SEC23A: variants seen among roughly 807,000 people sequenced by gnomAD.
The protein encoded by SEC23A is protein transport protein Sec23A.
SEC23A carries 56 observed loss-of-function variants against 103.7 expected under a neutral mutation model. The observed-to-expected ratio is 0.54, with a 90% confidence interval of 0.44 to 0.67. The LOEUF (loss-of-function observed/expected upper bound fraction) is 0.67, where lower values mean the gene tolerates loss of function less well. SEC23A is among the 30% of genes least tolerant of loss of function. The pLI, the probability that SEC23A is intolerant of heterozygous loss-of-function variation, is 0.00. For synonymous variants in SEC23A, 281 were observed against 293.0 expected, an observed-to-expected ratio of 0.96 and a Z score of 0.42; for missense variants, 784 against 936.4, an observed-to-expected ratio of 0.84 and a Z score of 2.12.
At chr14:39,096,490 G>A (rs570387821) in intron 1 of SEC23A, among the ~76,000 whole-genome samples, 48 of 151,018 alleles carry the variant, frequency 3.2e-4, no homozygotes, top group Middle Eastern at 3.4e-3. Context: ...AGATCATTCC[G>A]TTGCACTCCA....
intron 1 of SEC23A, among the ~76,000 whole-genome samples, chr14:39,102,748 C>T (rs555630469): frequency 6.0e-5 from 9 of 150,732 alleles, no homozygotes; most frequent in Non-Finnish European, 1.2e-4. Flanking sequence ...GTGGGTGGCC[C>T]AGGAGGTGGG....
chr14:39,092,852 T>C (rs1887707406), intron 3 of SEC23A: 3 of 514,384 alleles, frequency 5.8e-6, no homozygotes, highest in Admixed American at 3.5e-5. Context: ...TTTTCATTTG[T>C]TTGTTTGTTT....
intron 5 of SEC23A, chr14:39,087,959 A>T (rs1352379559): frequency 6.6e-6 from 1 of 152,264 alleles, no homozygotes; most frequent in East Asian, 1.9e-4. Flanking sequence ...TTACACAATC[A>T]GTAAGTAACA....
rs1229208941 is a variant in SEC23A at position 39,033,197 on chromosome 14, T to C, written c.*42A>G. 7.2e-7 allele frequency: 1 copy of C among 1,395,706 alleles called. No homozygotes were observed. Among genetic ancestry groups the C allele is most frequent in the Non-Finnish European group, 1.0e-6 (1 of 981,352 alleles). 86.5% of individuals were successfully genotyped at this position (1,395,706 alleles called of 1,614,324 possible). Reference sequence around the variant, plus strand: ...GAAAAAGGAAAAAATGAAATTTGAATATTATTTCATCTTCTTAAGTGTCTT... The same window carrying C: ...GAAAAAGGAAAAAATGAAATTTGAACATTATTTCATCTTCTTAAGTGTCTT... On this transcript the variant is annotated 3_prime_UTR_variant, in exon 20 of 20. Coordinates refer to ENST00000307712, the MANE Select transcript of SEC23A (RefSeq NM_006364.4).
intron 7 of SEC23A, among the ~76,000 whole-genome samples, chr14:39,077,252 A>AG (rs1566502874): frequency 6.7e-6 from 1 of 148,982 alleles, no homozygotes; most frequent in East Asian, 2.0e-4. Context: ...AAAAAAAAAA[A>AG]AAAGAAAGAG....
At chr14:39,087,357 A>G (rs1048001781) in intron 5 of SEC23A, among the ~76,000 whole-genome samples, 11 of 152,230 alleles carry the variant, frequency 7.2e-5, no homozygotes, top group Admixed American at 5.2e-4. Flanking sequence ...AAACTATATC[A>G]TAAGCACCTG....
chr14:39,075,074 T>C (rs1303921861), intron 8 of SEC23A, among the ~76,000 whole-genome samples: 1 of 151,860 alleles, frequency 6.6e-6, no homozygotes, highest in African/African-American at 2.4e-5. Flanking sequence ...GCCATTGTAC[T>C]CCAGTCTGGG....
chr14:39,041,960 AT>A (rs1290778111), intron 17 of SEC23A, among the ~76,000 whole-genome samples: 1 of 152,008 alleles, frequency 6.6e-6, no homozygotes. Context: ...TTTTCTAAAA[AT>A]TTTTTTGTAG....
intron 15 of SEC23A, among the ~76,000 whole-genome samples, chr14:39,046,871 A>G (rs1885857215): frequency 6.6e-6 from 1 of 152,038 alleles, no homozygotes; most frequent in African/African-American, 2.4e-5. Flanking sequence ...AATTCCTCCA[A>G]CCCTCAGGTC....
chr14:39,094,848 A>C (rs1887832033), intron 2 of SEC23A: 2 of 598,978 alleles, frequency 3.3e-6, no homozygotes, highest in East Asian at 5.6e-5. Context: ...GAAAATGGAT[A>C]ACACAAGATG....
chr14:39,038,107 C>T (rs1467401346), intron 19 of SEC23A, among the ~76,000 whole-genome samples: 1 of 152,190 alleles, frequency 6.6e-6, no homozygotes, highest in Non-Finnish European at 1.5e-5. Flanking sequence ...AACACATTTC[C>T]GTTTTATGTT....
chr14:39,048,546 G>C, intron 15 of SEC23A, 106 bp downstream of exon 15: 1 of 734,034 alleles, frequency 1.4e-6, no homozygotes, highest in Non-Finnish European at 2.4e-6. Context: ...GTTACAGTGA[G>C]CTATGATGGA....
intron 7 of SEC23A, among the ~76,000 whole-genome samples, chr14:39,084,998 C>G (rs1323596566): frequency 6.6e-6 from 1 of 152,122 alleles, no homozygotes; most frequent in Non-Finnish European, 1.5e-5. Flanking sequence ...TAAAATGACT[C>G]CTAGATAGCT....
intron 10 of SEC23A, 100 bp downstream of exon 10, chr14:39,067,073 A>C: frequency 1.4e-6 from 2 of 1,428,836 alleles, no homozygotes; most frequent in Non-Finnish European, 2.0e-6. Flanking sequence ...ACAATTTTGA[A>C]AGTAAATATT....
chr14:39,046,739 A>G (rs912565537), intron 15 of SEC23A, among the ~76,000 whole-genome samples: 7 of 152,166 alleles, frequency 4.6e-5, no homozygotes, highest in Non-Finnish European at 1.0e-4. Context: ...TACTCCTCAC[A>G]TGAAAGAAAT....
At chr14:39,079,628 T>G (rs1887151754) in intron 7 of SEC23A, among the ~76,000 whole-genome samples, 1 of 152,092 alleles carries the variant, frequency 6.6e-6, no homozygotes, top group Non-Finnish European at 1.5e-5. Context: ...GAGACCAGCC[T>G]GGCTAAGCAT....
intron 15 of SEC23A, among the ~76,000 whole-genome samples, chr14:39,046,498 ACCTCTTTC>A (rs1434291974): frequency 6.6e-6 from 1 of 151,466 alleles, no homozygotes; most frequent in Non-Finnish European, 1.5e-5. Flanking sequence ...AAATAAACAA[ACCTCTTTC>A]CTTTATAAAT....
chr14:39,095,027 A>G (rs1887836933), intron 2 of SEC23A: 1 of 697,880 alleles, frequency 1.4e-6, no homozygotes, highest in African/African-American at 1.8e-5. Context: ...GCTGAAAGAC[A>G]AGAATAGAAA....
Position 39,095,319 on chromosome 14 carries a change from G to A in SEC23A, c.221+579C>T, listed in dbSNP as rs534800685. Among the ~76,000 whole-genome samples the A allele has an allele frequency of 1.1e-4, 16 of 149,386 alleles. No homozygotes were observed. The South Asian group carries it at 1.3e-3, about 12-fold the overall frequency. Reference sequence around the variant, plus strand: ...ACAACTTTTTTTTTTTTTTTGAGGCGGAGTCTCGCTCTGTCACCCAGAGTT... The same window carrying A: ...ACAACTTTTTTTTTTTTTTTGAGGCAGAGTCTCGCTCTGTCACCCAGAGTT... On this transcript the variant is annotated intron_variant, in intron 2 of 19. Coordinates refer to ENST00000307712, the MANE Select transcript of SEC23A (RefSeq NM_006364.4).
Sources: gnomAD v4.1 joint callset for allele counts (sites outside exome capture counted in the v4.1 genomes callset) on GRCh38, gnomAD v4.1.1 for gene constraint, MANE v1.5 for transcripts, NCBI Gene and HGNC (gene_info 2026-07-23, HGNC 2026-07-21) for gene names.